Variants in PCM1 observed in about 807,000 individuals in gnomAD.
The protein encoded by PCM1 is pericentriolar material 1.
PCM1 carries 157 observed loss-of-function variants against 241.9 expected under a neutral mutation model. The ratio of observed to expected loss-of-function variants is 0.65; its 90% CI spans 0.57 to 0.74. PCM1 has a LOEUF of 0.74. Among genes scored for constraint, PCM1 ranks in the 30% least tolerant of loss-of-function variants. The probability of loss-of-function intolerance (pLI) is 0.00; values close to 1 mark genes in which losing one functional copy is unlikely to be tolerated. For missense variants in PCM1, 3,478 were observed against 2,360.1 expected, an observed-to-expected ratio of 1.47 and a Z score of -9.81; for synonymous variants, 1,085 against 784.9, an observed-to-expected ratio of 1.38 and a Z score of -6.39.
At chr8:17,950,385 A>G (rs554047625) in intron 7 of PCM1, among the ~76,000 whole-genome samples, 1 of 152,344 alleles carries the variant, frequency 6.6e-6, no homozygotes, top group South Asian at 2.1e-4. Flanking sequence ...ATGTTGGGAC[A>G]GGAAAAGATG....
At chr8:17,952,850 C>G in intron 8 of PCM1, 120 bp from the exon 9 acceptor site, 2 of 654,122 alleles carry the variant, frequency 3.1e-6, no homozygotes, top group Non-Finnish European at 5.1e-6. Flanking sequence ...ACTTACCTAC[C>G]AGCACAGCCT....
At chr8:17,937,457 T>TA in intron 4 of PCM1, 78 bp downstream of exon 4, 1 of 1,286,576 alleles carries the variant, frequency 7.8e-7, no homozygotes, top group East Asian at 2.7e-5. Flanking sequence ...GTCTTAGGAA[T>TA]AAAAAATTGA....
intron 17 of PCM1, 77 bp from the exon 18 acceptor site, chr8:17,964,491 T>C (rs2074024614): frequency 9.5e-7 from 1 of 1,053,398 alleles, no homozygotes; most frequent in African/African-American, 1.6e-5. Context: ...TTTGAAACAA[T>C]GTCTGGCACA....
chr8:18,018,087 C>CCAAT (rs2093398347), intron 36 of PCM1, among the ~76,000 whole-genome samples: 1 of 152,182 alleles, frequency 6.6e-6, no homozygotes, highest in Non-Finnish European at 1.5e-5. Flanking sequence ...TTTCACGTTT[C>CCAAT]CAATCAAGTT....
At chr8:18,023,883 TAAC>T (rs368834653) in intron 36 of PCM1, among the ~76,000 whole-genome samples, 81 of 152,338 alleles carry the variant, frequency 5.3e-4, no homozygotes, top group African/African-American at 1.8e-3. Flanking sequence ...CTTTTGATGA[TAAC>T]AACTTTACCT....
In PCM1 at chr8:17,939,740, C is replaced by A. The variant is rs763726627; in HGVS notation, c.662C>A (p.Ser221Tyr). The change falls in exon 6 of 39, where the codon TCC (serine) becomes TAC (tyrosine). Residue 221 changes from serine (S) to tyrosine (Y), a missense_variant. By Grantham distance (144) the Ser-to-Tyr change is moderately radical. Coordinates refer to ENST00000325083, the MANE Select transcript of PCM1 (RefSeq NM_006197.4). ...QIRDYITKAS[S>Y]MREDLVEKNE... The stretch of plus-strand genomic sequence containing the variant: ...CGCGATTATATTACTAAAGCTAGTT[C>A]CATGCGGGAAGATCTTGTAGAGAAA... The A allele has an allele frequency of 3.2e-6, 5 of 1,558,900 alleles. 1 individual carries two copies. The highest frequency in any genetic ancestry group is 1.2e-5 in the South Asian group (1 of 84,336).
chr8:18,007,765 T>G, intron 30 of PCM1, among the ~76,000 whole-genome samples: 1 of 152,182 alleles, frequency 6.6e-6, no homozygotes, highest in East Asian at 1.9e-4. Flanking sequence ...TGAAACCCGT[T>G]CAAGAATTGT....
chr8:18,019,354 C>G (rs1021244838), intron 36 of PCM1, among the ~76,000 whole-genome samples: 1 of 152,168 alleles, frequency 6.6e-6, no homozygotes, highest in Non-Finnish European at 1.5e-5. Context: ...GCACCAGGGA[C>G]TGGTTTCATG....
At chr8:18,005,358 T>G (rs2090957901) in intron 29 of PCM1, among the ~76,000 whole-genome samples, 1 of 33,654 alleles carries the variant, frequency 3.0e-5, no homozygotes, top group South Asian at 5.6e-4. Flanking sequence ...GTTGTTGTTG[T>G]TTTTTTTTTT....
chr8:17,953,772 G>C (rs563111795), intron 9 of PCM1, among the ~76,000 whole-genome samples: 2 of 152,110 alleles, frequency 1.3e-5, no homozygotes, highest in Non-Finnish European at 2.9e-5. Context: ...GTCTAAATCA[G>C]ATCTAGTCTT....
chr8:17,947,468 A>G (rs1051158925), intron 7 of PCM1, 105 bp downstream of exon 7: 5 of 858,854 alleles, frequency 5.8e-6, no homozygotes, highest in Middle Eastern at 2.4e-4. Flanking sequence ...ATTGTTGTCT[A>G]GTTTAGAAAC....
chr8:17,979,530 A>T (rs2079962692), intron 23 of PCM1, among the ~76,000 whole-genome samples: 1 of 152,190 alleles, frequency 6.6e-6, no homozygotes, highest in East Asian at 1.9e-4. Flanking sequence ...CGCTCTTCTC[A>T]TAGTAGTACT....
intron 23 of PCM1, among the ~76,000 whole-genome samples, chr8:17,978,531 C>T (rs2079540525): frequency 6.6e-6 from 1 of 151,948 alleles, no homozygotes; most frequent in African/African-American, 2.4e-5. Flanking sequence ...GGCAATCTTC[C>T]TTACCACACA....
chr8:17,949,014 C>G (rs1032034427), intron 7 of PCM1, among the ~76,000 whole-genome samples: 5 of 152,116 alleles, frequency 3.3e-5, no homozygotes, highest in African/African-American at 9.7e-5. Context: ...AATTACATTT[C>G]TTGAATTGTA....
At chr8:17,972,287 A>G (rs764006703) in intron 22 of PCM1, 42 bp from the exon 23 acceptor site, 6 of 1,163,918 alleles carry the variant, frequency 5.2e-6, no homozygotes, top group Non-Finnish European at 7.0e-6. Context: ...GTTTTTGTAA[A>G]CTATAGTTGT....
Position 17,960,434 on chromosome 8 carries a change from C to G in PCM1, c.2312C>G (p.Pro771Arg). 6.3e-7 allele frequency: 1 copy of G among 1,589,996 alleles called. No homozygotes were observed. Among genetic ancestry groups the G allele is most frequent in the Non-Finnish European group, 8.5e-7 (1 of 1,172,054 alleles). The change falls in exon 15 of 39, where the codon CCT (proline) becomes CGT (arginine). Residue 771 changes from proline to arginine, a missense_variant. By Grantham distance (103) the Pro-to-Arg change is moderately radical. Coordinates refer to ENST00000325083, the MANE Select transcript of PCM1 (RefSeq NM_006197.4). ...EKIQALQTAC[P>R]DLQLSAASVG... ...ATTCAAGCATTGCAAACGGCATGCC[C>G]TGACTTACAGGTAATTATGAAATTT...
At position 17,977,008 on chromosome 8, in the gene PCM1, C is replaced by T. The variant is rs183001050; in HGVS notation, c.3944-3583C>T. Among the ~76,000 whole-genome samples the T allele has an allele frequency of 5.3e-4, 80 of 152,016 alleles. 1 individual carries two copies. The East Asian group carries it at 0.013, about 24-fold the overall frequency. ...CTCCCCACTGAGAATTTCGTATATG[C>T]CACATTAAGTGCATTTTAATTTTGA... On this transcript the variant is annotated intron_variant, in intron 23 of 38. Transcript: ENST00000325083.
chr8:17,994,661 T>G (rs977560952), intron 29 of PCM1, among the ~76,000 whole-genome samples: 1 of 152,194 alleles, frequency 6.6e-6, no homozygotes, highest in African/African-American at 2.4e-5. Flanking sequence ...CCACCAGCAG[T>G]GTATGAAAGT....
chr8:17,974,921 C>G (rs768952285), intron 23 of PCM1, among the ~76,000 whole-genome samples: 2 of 151,298 alleles, frequency 1.3e-5, no homozygotes, highest in East Asian at 2.0e-4. Flanking sequence ...CAGAATCAAA[C>G]TATACATAGC....
Sources: allele counts gnomAD v4.1 joint callset (sites outside exome capture counted in the v4.1 genomes callset), GRCh38; gene constraint gnomAD v4.1.1; transcripts MANE v1.5; gene names NCBI Gene and HGNC (gene_info 2026-07-23, HGNC 2026-07-21).